Variants in CDKL1 observed in about 807,000 individuals in gnomAD.
CDKL1 encodes cyclin-dependent kinase-like 1.
Under a neutral mutation model 42.0 loss-of-function variants are expected in CDKL1, and 41 were observed. The observed-to-expected ratio is 0.98, with a 90% CI of 0.76 to 1.27. The LOEUF is 1.27. Among genes scored for constraint, CDKL1 ranks in the 50% most tolerant of loss-of-function variants. The pLI, the probability that CDKL1 is intolerant of heterozygous loss-of-function variation, is 0.00. For synonymous variants in CDKL1, 153 were observed against 158.6 expected, an observed-to-expected ratio of 0.96 and a Z score of 0.26; for missense variants, 394 against 428.4, an observed-to-expected ratio of 0.92 and a Z score of 0.71.
upstream of CDKL1, chr14:50,397,289 G>C: frequency 7.3e-7 from 1 of 1,364,676 alleles, no homozygotes; most frequent in African/African-American, 1.5e-5. Flanking sequence ...GTGCTGCGGC[G>C]TCAGTGAATG....
intron 2 of CDKL1, among the ~76,000 whole-genome samples, chr14:50,389,406 T>C (rs1370396757): frequency 6.6e-6 from 1 of 152,164 alleles, no homozygotes; most frequent in East Asian, 1.9e-4. Context: ...CAATGAAATT[T>C]TAATATCACA....
At chr14:50,336,398 T>G (rs1480289604) in intron 7 of CDKL1, among the ~76,000 whole-genome samples, 2 of 152,084 alleles carry the variant, frequency 1.3e-5, no homozygotes, top group Admixed American at 1.3e-4. Context: ...ACTAGGGATA[T>G]TTAGTGCACA....
At chr14:50,337,840 T>C (rs966982688) in intron 7 of CDKL1, among the ~76,000 whole-genome samples, 1 of 151,356 alleles carries the variant, frequency 6.6e-6, no homozygotes, top group Non-Finnish European at 1.5e-5. Context: ...GCCACCATGC[T>C]AGGCCAACTT....
rs545631608 is a variant in CDKL1, at chr14:50,344,912, A to G, written c.363+74T>C. On this transcript the variant is annotated intron_variant, in intron 4 of 9. Coordinates refer to ENST00000395834, the MANE Select transcript of CDKL1 (RefSeq NM_004196.7). Reference sequence around the variant, plus strand: ...AAAATTTTACCCACAGAAGTGTGACATAAACTTTGTACAAGGCTCCACCTC... The same window carrying G: ...AAAATTTTACCCACAGAAGTGTGACGTAAACTTTGTACAAGGCTCCACCTC... 55 of 1,284,160 alleles carry G rather than the reference A, an allele frequency of 4.3e-5. No homozygotes were observed. In the South Asian group the frequency reaches 6.2e-4, roughly 15 times the overall value. 79.5% of individuals were successfully genotyped at this position (1,284,160 alleles called of 1,614,324 possible). A position where few individuals can be genotyped will look rare whatever the true frequency, so the allele number is the denominator to read the frequency against.
chr14:50,392,670 C>T (rs921501155), intron 2 of CDKL1, among the ~76,000 whole-genome samples: 2 of 151,920 alleles, frequency 1.3e-5, no homozygotes, highest in Non-Finnish European at 2.9e-5. Context: ...TAAATACCAT[C>T]GATATGCTTA....
chr14:50,332,065 C>A, intron 9 of CDKL1, 197 bp downstream of exon 9: 1 of 1,548,722 alleles, frequency 6.5e-7, no homozygotes, highest in Non-Finnish European at 8.7e-7. Flanking sequence ...AGCAGCAGGA[C>A]AAGGGCACCT....
intron 2 of CDKL1, among the ~76,000 whole-genome samples, chr14:50,370,892 A>G (rs912787846): frequency 2.6e-5 from 4 of 152,218 alleles, no homozygotes; most frequent in African/African-American, 9.6e-5. Context: ...ACCAGACCCC[A>G]TCTCCAGCAC....
At chr14:50,370,266 A>G (rs1450461219) in intron 2 of CDKL1, among the ~76,000 whole-genome samples, 1 of 152,000 alleles carries the variant, frequency 6.6e-6, no homozygotes. Context: ...ACAAAATTTC[A>G]CTATGTTGGC....
rs78401946 is a variant in CDKL1, at chr14:50,326,596, T to G, written c.*3478A>C. ...AGACTTACTCAGAATCAACAGTTGC[T>G]GCTTAATTTGTCTATTTTGTAAGCT... On this transcript the variant is annotated 3_prime_UTR_variant, in exon 10 of 10. Coordinates refer to ENST00000395834, the MANE Select transcript of CDKL1 (RefSeq NM_004196.7). 3,902 of 985,470 alleles carry G rather than the reference T, an allele frequency of 4.0e-3. 124 individuals carry two copies. In the African/African-American group the frequency reaches 0.063, roughly 16 times the overall value. The allele number at this position is 985,470 out of a possible 1,614,324, so 61.0% of individuals were successfully genotyped here. A position where few individuals can be genotyped will look rare whatever the true frequency, so the allele number is the denominator to read the frequency against.
At chr14:50,386,906 A>G (rs2035097124) in intron 2 of CDKL1, among the ~76,000 whole-genome samples, 1 of 152,074 alleles carries the variant, frequency 6.6e-6, no homozygotes, top group East Asian at 1.9e-4. Flanking sequence ...ATGCACCTAT[A>G]ATCCCAGCTG....
chr14:50,391,490 C>G (rs888448839), intron 2 of CDKL1, among the ~76,000 whole-genome samples: 3 of 152,182 alleles, frequency 2.0e-5, no homozygotes, highest in African/African-American at 7.2e-5. Flanking sequence ...TCAAGCGATT[C>G]TCCTGTCTCA....
Position 50,390,156 on chromosome 14 carries a change from CTCTT to C in CDKL1, c.168+5541_168+5544del, listed in dbSNP as rs774221412. 22 of 1,366,292 alleles carry C rather than the reference CTCTT, an allele frequency of 1.6e-5. No individual in the cohort carries two copies. The South Asian group carries it at 2.2e-4, about 13-fold the overall frequency. The allele number at this position is 1,366,292 out of a possible 1,614,324, so 84.6% of individuals were successfully genotyped here. A position where few individuals can be genotyped will look rare whatever the true frequency, so the allele number is the denominator to read the frequency against. On this transcript the variant is annotated intron_variant, in intron 2 of 9. Coordinates refer to ENST00000395834, the MANE Select transcript of CDKL1 (RefSeq NM_004196.7). ...GCCACATAGCAGTAGATGATTCCTT[CTCTT>C]TGTCTCACTTGTTTTTCTTGTTTTC... is the stretch of plus-strand genomic sequence containing the variant.
chr14:50,395,912 T>C lies in CDKL1; in HGVS notation c.-44A>G, dbSNP rs760510195. ...CTTAAAATGGATCTTCAGCCGAGAA[T>C]GGTGGCTCACGCCTGTAATCCCAGC... On this transcript the variant is annotated 5_prime_UTR_variant, in exon 2 of 10. Coordinates refer to ENST00000395834, the MANE Select transcript of CDKL1 (RefSeq NM_004196.7). 15 of 1,594,010 alleles carry C rather than the reference T, an allele frequency of 9.4e-6. 1 individual carries two copies. The South Asian group carries it at 1.2e-4, about 13-fold the overall frequency.
chr14:50,338,913 G>T (rs1433342829), intron 7 of CDKL1, 34 bp downstream of exon 7: 20 of 1,326,946 alleles, frequency 1.5e-5, no homozygotes, highest in African/African-American at 7.2e-5. Context: ...AGCTAGCCTG[G>T]CCTACAGAGC....
chr14:50,384,241 G>A (rs1348803152), intron 2 of CDKL1, among the ~76,000 whole-genome samples: 3 of 152,208 alleles, frequency 2.0e-5, no homozygotes, highest in Non-Finnish European at 4.4e-5. Flanking sequence ...ATGAGAACAT[G>A]TGCAGAGAAT....
intron 8 of CDKL1, chr14:50,333,663 G>C (rs1458545061): frequency 6.6e-6 from 1 of 152,114 alleles, no homozygotes; most frequent in African/African-American, 2.4e-5. Flanking sequence ...CCACTTTACT[G>C]TGTGGACACG....
At chr14:50,330,422 A>G (rs2032872575) in intron 9 of CDKL1, 3 of 417,006 alleles carry the variant, frequency 7.2e-6, no homozygotes, top group Non-Finnish European at 8.3e-6. Context: ...TGAAAAGGGG[A>G]AAATCTACAT....
intron 8 of CDKL1, chr14:50,332,690 G>T (rs1196518832): frequency 6.5e-7 from 1 of 1,531,714 alleles, no homozygotes; most frequent in Non-Finnish European, 8.7e-7. Context: ...TTGGTACTCT[G>T]CCCTGGGAGA....
At chr14:50,381,326 A>G (rs1055783977) in intron 2 of CDKL1, among the ~76,000 whole-genome samples, 6 of 152,240 alleles carry the variant, frequency 3.9e-5, no homozygotes, top group Admixed American at 2.6e-4. Context: ...GCTGGATAAT[A>G]GAGATATACT....
Sources: allele counts gnomAD v4.1 joint callset (sites outside exome capture counted in the v4.1 genomes callset), GRCh38; gene constraint gnomAD v4.1.1; transcripts MANE v1.5; gene names NCBI Gene and HGNC (gene_info 2026-07-23, HGNC 2026-07-21).